TPRG1: variants seen among roughly 807,000 people sequenced by gnomAD.
TPRG1 encodes the protein tumor protein p63 regulated 1.
Under a neutral mutation model 29.3 loss-of-function variants are expected in TPRG1, and 29 were observed. That is an observed-to-expected ratio of 0.99 (90% confidence interval 0.74 to 1.35). The LOEUF is 1.35. Among genes scored for constraint, TPRG1 ranks in the 40% most tolerant of loss-of-function variants. The pLI, the probability that TPRG1 is intolerant of heterozygous loss-of-function variation, is 0.00. For synonymous variants in TPRG1, 130 were observed against 116.8 expected (o/e 1.11, Z -0.73); for missense variants, 327 against 335.0 (o/e 0.98, Z 0.19).
Position 189,320,708 on chromosome 3 carries a change from T to G in TPRG1, c.716T>G (p.Leu239Arg). ...NSTGSGRGKK[L>R]MVLTEPILIE... is the part of the protein sequence containing the mutation. ...ACTGGATCTGGAAGAGGAAAGAAAC[T>G]GATGGTGTTAACTGAACCCATTTTG... The change falls in exon 6 of 6, where the codon CTG (leucine) becomes CGG (arginine). Residue 239 changes from leucine to arginine, a missense_variant. Leu to Arg is a moderately radical substitution (Grantham distance 102). Coordinates refer to ENST00000345063, the MANE Select transcript of TPRG1 (RefSeq NM_198485.4). 6.2e-7 allele frequency: 1 copy of G among 1,612,934 alleles called. No individual in the cohort carries two copies. Among genetic ancestry groups the G allele is most frequent in the South Asian group, 1.1e-5 (1 of 90,990 alleles).
chr3:189,123,785 C>G (rs751013951), intron 1 of TPRG1: 5 of 152,208 alleles, frequency 3.3e-5, no homozygotes, highest in African/African-American at 7.2e-5. Context: ...TGCGTGTGCT[C>G]TTGACCTCTG....
intron 4 of TPRG1, among the ~76,000 whole-genome samples, chr3:189,059,721 A>T (rs1715973375): frequency 6.6e-6 from 1 of 152,332 alleles, no homozygotes; most frequent in South Asian, 2.1e-4. Flanking sequence ...TAATTTTCTT[A>T]AAATCACATA....
At chr3:189,258,243 C>T (rs761693412) in intron 4 of TPRG1, among the ~76,000 whole-genome samples, 1 of 151,374 alleles carries the variant, frequency 6.6e-6, no homozygotes, top group Non-Finnish European at 1.5e-5. Flanking sequence ...TGTTAGTTTT[C>T]CTTCTAAGTC....
At chr3:189,251,972 T>C (rs1366625914) in intron 4 of TPRG1, among the ~76,000 whole-genome samples, 1 of 152,152 alleles carries the variant, frequency 6.6e-6, no homozygotes, top group Non-Finnish European at 1.5e-5. Flanking sequence ...TGAGGCCATA[T>C]TTCAGACTAT....
intron 1 of TPRG1, among the ~76,000 whole-genome samples, chr3:189,190,392 A>G (rs550638699): frequency 6.6e-6 from 1 of 152,254 alleles, no homozygotes; most frequent in South Asian, 2.1e-4. Context: ...TCTGGGAAGA[A>G]TTGACACATC....
chr3:189,105,397 C>T (rs1719696666), intron 1 of TPRG1, among the ~76,000 whole-genome samples: 1 of 152,022 alleles, frequency 6.6e-6, no homozygotes, highest in African/African-American at 2.4e-5. Flanking sequence ...GAGGAATATC[C>T]ATTTCTCCAC....
intron 5 of TPRG1, among the ~76,000 whole-genome samples, chr3:189,153,453 A>C (rs1337486287): frequency 6.6e-6 from 1 of 152,170 alleles, no homozygotes; most frequent in Non-Finnish European, 1.5e-5. Flanking sequence ...AATTATGTAA[A>C]ATTTGCACTG....
At chr3:189,255,599 T>C (rs1711709922) in intron 4 of TPRG1, among the ~76,000 whole-genome samples, 1 of 152,238 alleles carries the variant, frequency 6.6e-6, no homozygotes, top group Non-Finnish European at 1.5e-5. Flanking sequence ...GAAGGAATGG[T>C]ACCAGCTCTT....
At position 189,084,791 on chromosome 3, in the gene TPRG1, G is replaced by A. The variant is rs141661242; in HGVS notation, c.-462-42266G>A. On this transcript the variant is annotated intron_variant, in intron 4 of 10. Coordinates refer to the TPRG1 transcript ENST00000433971. ...TACAGCCCATTATCTGACATCATGC[G>A]TAAGAGGAAACTTCCTAAGTCCACA... Among the ~76,000 whole-genome samples the A allele has an allele frequency of 3.4e-3, 511 of 152,194 alleles. 6 individuals carry two copies. Among genetic ancestry groups the A allele is most frequent in the African/African-American group, 0.011 (460 of 41,502 alleles).
intron 1 of TPRG1, among the ~76,000 whole-genome samples, chr3:189,125,906 T>G (rs1380352326): frequency 1.3e-5 from 2 of 150,300 alleles, no homozygotes; most frequent in Non-Finnish European, 3.0e-5. Flanking sequence ...TAAAATGTCT[T>G]TAGTGATCAG....
At chr3:189,281,139 C>G (rs897608047) in intron 4 of TPRG1, among the ~76,000 whole-genome samples, 5 of 152,124 alleles carry the variant, frequency 3.3e-5, no homozygotes, top group Non-Finnish European at 5.9e-5. Context: ...AAGGTAGATA[C>G]TATTATTCAT....
At chr3:189,179,203 T>G (rs752608273) in intron 1 of TPRG1, among the ~76,000 whole-genome samples, 1 of 152,228 alleles carries the variant, frequency 6.6e-6, no homozygotes, top group Non-Finnish European at 1.5e-5. Context: ...TCTTTTTACA[T>G]GGAGCTGCAA....
chr3:189,129,036 T>A (rs1722811362), intron 2 of TPRG1, among the ~76,000 whole-genome samples: 1 of 152,202 alleles, frequency 6.6e-6, no homozygotes, highest in Admixed American at 6.5e-5. Context: ...AATGTTAACA[T>A]CTTATCTACC....
chr3:189,296,603 TAATAAGGACATTGGAAAACTAGA>T (rs1427421661), intron 4 of TPRG1, among the ~76,000 whole-genome samples: 3 of 152,314 alleles, frequency 2.0e-5, no homozygotes, highest in South Asian at 4.1e-4. Flanking sequence ...CCACATACTT[TAATAAGGACATTGGAAAACTAGA>T]AATAAGGACA....
intron 4 of TPRG1, among the ~76,000 whole-genome samples, chr3:189,032,266 GA>G (rs1258771256): frequency 6.6e-6 from 1 of 152,186 alleles, no homozygotes; most frequent in African/African-American, 2.4e-5. Flanking sequence ...AAGAGGCCGT[GA>G]CCTAAGGAAT....
At chr3:189,085,067 A>G (rs558506621) in intron 4 of TPRG1, among the ~76,000 whole-genome samples, 1 of 152,364 alleles carries the variant, frequency 6.6e-6, no homozygotes, top group South Asian at 2.1e-4. Flanking sequence ...GCTGTTTAAC[A>G]AATGAGGACA....
chr3:189,025,427 C>T (rs1228860425), intron 4 of TPRG1, among the ~76,000 whole-genome samples: 2 of 152,146 alleles, frequency 1.3e-5, no homozygotes, highest in East Asian at 3.9e-4. Flanking sequence ...AGTCCCAATG[C>T]GAGTCCCTGG....
At chr3:189,035,809 TAC>T (rs1176451312) in intron 4 of TPRG1, among the ~76,000 whole-genome samples, 1 of 152,168 alleles carries the variant, frequency 6.6e-6, no homozygotes, top group African/African-American at 2.4e-5. Flanking sequence ...GAAACACTTA[TAC>T]ACTGTTAGTG....
At chr3:189,019,046 G>C (rs1273474197) in intron 3 of TPRG1, among the ~76,000 whole-genome samples, 1 of 152,046 alleles carries the variant, frequency 6.6e-6, no homozygotes, top group Admixed American at 6.6e-5. Context: ...TGTTGTTGGT[G>C]TATAAGAATG....
Sources: gnomAD v4.1 joint callset for allele counts (sites outside exome capture counted in the v4.1 genomes callset) on GRCh38, gnomAD v4.1.1 for gene constraint, MANE v1.5 for transcripts, NCBI Gene and HGNC (gene_info 2026-07-23, HGNC 2026-07-21) for gene names.